ANO6: variants seen among roughly 807,000 people sequenced by gnomAD.
ANO6 encodes anoctamin 6.
ANO6 carries 106 observed loss-of-function variants against 117.5 expected under a neutral mutation model. The ratio of observed to expected loss-of-function variants is 0.90; its 90% CI spans 0.77 to 1.06. The LOEUF (loss-of-function observed/expected upper bound fraction) is 1.06, where lower values mean the gene tolerates loss of function less well. ANO6 is among the 50% of genes least tolerant of loss of function. The probability of loss-of-function intolerance (pLI) is 0.00; values close to 1 mark genes in which losing one functional copy is unlikely to be tolerated. For missense variants in ANO6, 955 were observed against 1,121.1 expected (o/e 0.85, Z 2.12); for synonymous variants, 367 against 385.1 (o/e 0.95, Z 0.55).
chr12:45,389,381 T>C (rs1942382429), intron 11 of ANO6, among the ~76,000 whole-genome samples: 1 of 152,180 alleles, frequency 6.6e-6, no homozygotes, highest in African/African-American at 2.4e-5. Context: ...AGCCAAAACT[T>C]AAACAAAATT....
chr12:45,223,681 A>ACTGG (rs1288289350), intron 1 of ANO6, among the ~76,000 whole-genome samples: 3 of 152,122 alleles, frequency 2.0e-5, no homozygotes, highest in African/African-American at 7.2e-5. Flanking sequence ...TTTCTTGGTG[A>ACTGG]CTGGCCTAGG....
At chr12:45,245,344 G>A (rs1947808264) in intron 1 of ANO6, among the ~76,000 whole-genome samples, 1 of 151,334 alleles carries the variant, frequency 6.6e-6, no homozygotes, top group Non-Finnish European at 1.5e-5. Context: ...ATAATTTTTA[G>A]TATTAATAAT....
chr12:45,417,511 G>C (rs1176191249), intron 17 of ANO6, among the ~76,000 whole-genome samples: 1 of 152,124 alleles, frequency 6.6e-6, no homozygotes, highest in Admixed American at 6.5e-5. Context: ...CTCATGCCCT[G>C]TATGTATCCC....
chr12:45,339,376 C>G (rs1026279456), intron 3 of ANO6, among the ~76,000 whole-genome samples: 5 of 152,088 alleles, frequency 3.3e-5, no homozygotes, highest in Non-Finnish European at 5.9e-5. Flanking sequence ...TACTGAAAAA[C>G]TTTATTGTAC....
chr12:45,435,552 G>C (rs1418232922), downstream of ANO6, among the ~76,000 whole-genome samples: 3 of 152,148 alleles, frequency 2.0e-5, no homozygotes, highest in Admixed American at 6.5e-5. Context: ...CACCTACCCT[G>C]CATATTGTAA....
chr12:45,391,532 T>TA (rs1255760738), intron 12 of ANO6, among the ~76,000 whole-genome samples: 1 of 152,130 alleles, frequency 6.6e-6, no homozygotes, highest in African/African-American at 2.4e-5. Flanking sequence ...GTTAAAGTCT[T>TA]ACTTTAAACC....
intron 1 of ANO6, among the ~76,000 whole-genome samples, chr12:45,265,751 A>T (rs1938195683): frequency 6.6e-6 from 1 of 152,146 alleles, no homozygotes; most frequent in African/African-American, 2.4e-5. Flanking sequence ...CTGTGTAGGG[A>T]TAAAGCGCAA....
At chr12:45,408,215 CAG>C (rs1186587866) in intron 15 of ANO6, among the ~76,000 whole-genome samples, 6 of 152,146 alleles carry the variant, frequency 3.9e-5, no homozygotes, top group Non-Finnish European at 8.8e-5. Context: ...TTCTCATTGT[CAG>C]AGTTTGAAGT....
At chr12:45,424,357 A>AAG (rs375286533) in intron 19 of ANO6, among the ~76,000 whole-genome samples, 7,447 of 118,702 alleles carry the variant, frequency 0.063, 598 homozygotes, top group East Asian at 0.35. Flanking sequence ...TTTTTTTTTA[A>AAG]AGACAGAGTC....
intron 3 of ANO6, among the ~76,000 whole-genome samples, chr12:45,344,328 G>A (rs1160307805): frequency 6.6e-6 from 1 of 152,182 alleles, no homozygotes. Context: ...ATATGTGTTA[G>A]GCATTGTATT....
chr12:45,397,453 A>C (rs1287261660), intron 12 of ANO6, among the ~76,000 whole-genome samples: 1 of 152,232 alleles, frequency 6.6e-6, no homozygotes, highest in African/African-American at 2.4e-5. Context: ...TAGAACTAGA[A>C]ATACCATTTG....
rs1448395839 is a variant in ANO6, at chr12:45,222,055, T to C, written c.70+5664T>C. Among the ~76,000 whole-genome samples, 5 of 151,760 alleles carry C rather than the reference T, an allele frequency of 3.3e-5. 1 individual carries two copies. Among genetic ancestry groups the C allele is most frequent in the Non-Finnish European group, 7.4e-5 (5 of 67,950 alleles). On this transcript the variant is annotated intron_variant, in intron 1 of 19. Coordinates refer to ENST00000320560, the MANE Select transcript of ANO6 (RefSeq NM_001025356.3). ...CGCCACCACACCCAGCTATTTTTTT[T>C]GTATTTTTAATAGAGGCGGGGTTTC...
At chr12:45,317,455 C>G (rs1422527644) in intron 2 of ANO6, among the ~76,000 whole-genome samples, 1 of 151,584 alleles carries the variant, frequency 6.6e-6, no homozygotes, top group Non-Finnish European at 1.5e-5. Flanking sequence ...ATGAACTCAT[C>G]ATTTTTTATG....
At chr12:45,247,369 A>G (rs1947841448) in intron 1 of ANO6, among the ~76,000 whole-genome samples, 1 of 152,256 alleles carries the variant, frequency 6.6e-6, no homozygotes, top group African/African-American at 2.4e-5. Context: ...TGACACATTT[A>G]ATAGTCATAG....
At chr12:45,279,930 C>A (rs1344024882) in intron 1 of ANO6, among the ~76,000 whole-genome samples, 1 of 152,152 alleles carries the variant, frequency 6.6e-6, no homozygotes, top group Non-Finnish European at 1.5e-5. Flanking sequence ...AAAATTGCAA[C>A]CCACATTTCA....
intron 1 of ANO6, among the ~76,000 whole-genome samples, chr12:45,235,162 T>C (rs1284417287): frequency 6.6e-6 from 1 of 152,222 alleles, no homozygotes; most frequent in Admixed American, 6.5e-5. Context: ...CTCTCCAATG[T>C]GGTGCTACTT....
chr12:45,434,639 A>G (rs1040889196), downstream of ANO6, among the ~76,000 whole-genome samples: 8 of 152,152 alleles, frequency 5.3e-5, no homozygotes, highest in Admixed American at 2.0e-4. Context: ...ACAAAGGGAA[A>G]TCTCTCTGGA....
At chr12:45,300,015 A>G (rs1467988071) in intron 1 of ANO6, among the ~76,000 whole-genome samples, 1 of 152,124 alleles carries the variant, frequency 6.6e-6, no homozygotes, top group Admixed American at 6.6e-5. Context: ...TCTGCCCTAT[A>G]TGAATGTTGA....
chr12:45,225,698 C>T (rs543124163), intron 1 of ANO6, among the ~76,000 whole-genome samples: 3 of 152,256 alleles, frequency 2.0e-5, no homozygotes, highest in African/African-American at 7.2e-5. Context: ...ACCCTGTTAA[C>T]CAGGTTGGTC....
Sources: gnomAD v4.1 joint callset for allele counts (sites outside exome capture counted in the v4.1 genomes callset) on GRCh38, gnomAD v4.1.1 for gene constraint, MANE v1.5 for transcripts, NCBI Gene and HGNC (gene_info 2026-07-23, HGNC 2026-07-21) for gene names.